The following KDM4B variants were observed in gnomAD, a reference collection of about 807,000 sequenced individuals.
The protein encoded by KDM4B is lysine demethylase 4B.
KDM4B carries 32 observed loss-of-function variants against 125.2 expected under a neutral mutation model. That is an observed-to-expected ratio of 0.26 (90% CI 0.19 to 0.34). The LOEUF is 0.34. KDM4B is among the 10% of genes least tolerant of loss of function. The pLI is 1.00. For missense variants in KDM4B, 1,190 were observed against 1,577.7 expected, an observed-to-expected ratio of 0.75 and a Z score of 4.16; for synonymous variants, 721 against 677.9, an observed-to-expected ratio of 1.06 and a Z score of -0.99.
intron 11 of KDM4B, among the ~76,000 whole-genome samples, chr19:5,127,591 G>T (rs2039471044): frequency 6.6e-6 from 1 of 152,178 alleles, no homozygotes; most frequent in Non-Finnish European, 1.5e-5. Context: ...TCATCAGCCG[G>T]GCACCTGAGG....
chr19:5,008,388 G>A (rs6510833), intron 1 of KDM4B, among the ~76,000 whole-genome samples: 23,861 of 152,076 alleles, frequency 0.16, 2,231 homozygotes, highest in Non-Finnish European at 0.22. Context: ...ACTTATGCCA[G>A]TACCATGCTG....
At chr19:5,001,670 A>G (rs894174558) in intron 1 of KDM4B, among the ~76,000 whole-genome samples, 1 of 150,112 alleles carries the variant, frequency 6.7e-6, no homozygotes, top group Non-Finnish European at 1.5e-5. Flanking sequence ...CACCCATGTA[A>G]GTCCTGTTCC....
chr19:5,098,603 T>TC (rs1184042925), intron 9 of KDM4B, among the ~76,000 whole-genome samples: 2 of 152,100 alleles, frequency 1.3e-5, no homozygotes, highest in African/African-American at 4.8e-5. Flanking sequence ...AAGGTCTGTG[T>TC]CCCCTCAGAG....
At chr19:4,974,259 C>T (rs2034365186) in intron 1 of KDM4B, among the ~76,000 whole-genome samples, 1 of 151,202 alleles carries the variant, frequency 6.6e-6, no homozygotes, top group Admixed American at 6.6e-5. Context: ...ATTACCCGGG[C>T]ATGGTGGTGG....
chr19:5,071,039 G>A lies in KDM4B; in HGVS notation c.656G>A (p.Arg219His). Residue 219 changes from arginine to histidine, a missense_variant, in exon 7 of 23, where the codon CGC (arginine) becomes CAC (histidine). Coordinates refer to ENST00000159111, the MANE Select transcript of KDM4B (RefSeq NM_015015.3). ...WYAIPPEHGK[R>H]LERLAIGFFP... ...GCCATCCCACCAGAGCACGGCAAGC[G>A]CCTGGAGCGGCTGGCCATCGGTAGG... The A allele has an allele frequency of 1.2e-6, 2 of 1,613,376 alleles. No individual in the cohort carries two copies. The highest frequency in any genetic ancestry group is 1.7e-6 in the Non-Finnish European group (2 of 1,179,932).
At position 5,133,947 on chromosome 19, in the gene KDM4B, T is replaced by C; in HGVS notation, c.1971T>C (p.Ser657=). The C allele has an allele frequency of 6.2e-7, 1 of 1,613,140 alleles. No individual in the cohort carries two copies. The highest frequency in any genetic ancestry group is 8.5e-7 in the Non-Finnish European group (1 of 1,179,950). Reference sequence around the variant, plus strand: ...CGGACGCCTTGAGGCCGCTGCTGTCTCTGCAGTGGAAGAACAGGGCGGCCA... The same window carrying C: ...CGGACGCCTTGAGGCCGCTGCTGTCCCTGCAGTGGAAGAACAGGGCGGCCA... ...SDPDALRPLL[S]LQWKNRAASF... is the part of the protein sequence containing the mutation. Residue 657 remains serine, a synonymous_variant, in exon 14 of 23, where the codon TCT becomes TCC. Coordinates refer to ENST00000159111, the MANE Select transcript of KDM4B (RefSeq NM_015015.3).
chr19:5,039,877 T>G lies in KDM4B; in HGVS notation c.183T>G (p.Asp61Glu). ...PKEWKPRQTY[D>E]DIDDVVIPAP... Reference sequence around the variant, plus strand: ...AGTGGAAGCCGCGGCAGACGTATGATGACATCGACGACGTGGTGATCCCGG... The same window carrying G: ...AGTGGAAGCCGCGGCAGACGTATGAGGACATCGACGACGTGGTGATCCCGG... Residue 61 changes from aspartate (D) to glutamate (E), a missense_variant, in exon 4 of 23, where the codon GAT (aspartate) becomes GAG (glutamate). Physicochemically the swap from Asp to Glu is conservative, Grantham distance 45 (BLOSUM62 2). Transcript: ENST00000159111. The G allele has an allele frequency of 6.2e-7, 1 of 1,612,906 alleles. No homozygotes were observed. The highest frequency in any genetic ancestry group is 8.5e-7 in the Non-Finnish European group (1 of 1,179,874).
intron 9 of KDM4B, among the ~76,000 whole-genome samples, chr19:5,092,500 C>G (rs1419323805): frequency 6.6e-6 from 1 of 152,220 alleles, no homozygotes; most frequent in Non-Finnish European, 1.5e-5. Context: ...CCGGGGGGGA[C>G]ACATCTCCCC....
intron 20 of KDM4B, 113 bp from the exon 21 acceptor site, chr19:5,144,670 T>G: frequency 6.8e-7 from 1 of 1,469,688 alleles, no homozygotes; most frequent in Non-Finnish European, 9.2e-7. Flanking sequence ...GCAGCCAGCT[T>G]TGGGGCTTCA....
rs951926506 is a variant in KDM4B, at chr19:4,969,149, C to T, written c.-190C>T. On this transcript the variant is annotated 5_prime_UTR_variant, in exon 1 of 23. Transcript: ENST00000159111. The stretch of plus-strand genomic sequence containing the variant: ...GCCAGCAACCGAGCGGGGCCCGGCC[C>T]GAGCGGGGCCTGGGGGTGCGACGCC... 2.0e-5 allele frequency: 3 copies of T among 150,914 alleles called. No individual in the cohort carries two copies. The highest frequency in any genetic ancestry group is 6.6e-5 in the Admixed American group (1 of 15,156). The allele number at this position is 150,914 out of a possible 1,614,324, so 9.3% of individuals were successfully genotyped here.
In KDM4B at chr19:5,110,643, G is replaced by T; in HGVS notation, c.940G>T (p.Val314Phe). 1 of 1,613,014 alleles carries T rather than the reference G, an allele frequency of 6.2e-7. No homozygotes were observed. Among genetic ancestry groups the T allele is most frequent in the Non-Finnish European group, 8.5e-7 (1 of 1,179,890 alleles). The change falls in exon 10 of 23, where the codon GTC (valine) becomes TTC (phenylalanine). Residue 314 changes from valine (V) to phenylalanine (F), a missense_variant. Coordinates refer to ENST00000159111, the MANE Select transcript of KDM4B (RefSeq NM_015015.3). ...ATQCTCRKDM[V>F]KISMDVFVRI... is the part of the protein sequence containing the mutation. ...GCAGTGCACGTGCCGGAAGGACATG[G>T]TCAAGATCTCCATGGACGTGTTCGT...
rs2036760897 is a variant in KDM4B at position 5,040,153 on chromosome 19, G to A, written c.317+142G>A. The A allele has an allele frequency of 5.4e-6, 5 of 932,910 alleles. No homozygotes were observed. The African/African-American group carries it at 6.7e-5, about 12-fold the overall frequency. The allele number at this position is 932,910 out of a possible 1,614,324, so 57.8% of individuals were successfully genotyped here. A position where few individuals can be genotyped will look rare whatever the true frequency, so the allele number is the denominator to read the frequency against. On this transcript the variant is annotated intron_variant, in intron 4 of 22. Coordinates refer to ENST00000159111, the MANE Select transcript of KDM4B (RefSeq NM_015015.3). ...CTCTGTGTGCCCCGTGTGGGCTGTGGCGACCCCTGCTCCCAGGGTGGATCT... is the reference window on the plus strand; with the variant it reads ...CTCTGTGTGCCCCGTGTGGGCTGTGACGACCCCTGCTCCCAGGGTGGATCT...
intron 1 of KDM4B, among the ~76,000 whole-genome samples, chr19:4,995,419 C>T (rs2145402077): frequency 6.6e-6 from 1 of 152,166 alleles, no homozygotes; most frequent in South Asian, 2.1e-4. Context: ...GCTGGGATTA[C>T]AGGCACCCGC....
chr19:5,128,246 G>A (rs956744107), intron 11 of KDM4B, among the ~76,000 whole-genome samples: 4 of 152,150 alleles, frequency 2.6e-5, no homozygotes, highest in African/African-American at 7.2e-5. Flanking sequence ...TTTCCTCCTC[G>A]CCTCCTTCCC....
chr19:4,992,069 A>G (rs893207450), intron 1 of KDM4B, among the ~76,000 whole-genome samples: 6 of 152,096 alleles, frequency 3.9e-5, no homozygotes, highest in Non-Finnish European at 5.9e-5. Context: ...ACAAGATCCA[A>G]GGTTGCCAGG....
intron 1 of KDM4B, among the ~76,000 whole-genome samples, chr19:4,970,424 G>GT (rs2034214603): frequency 6.6e-6 from 1 of 151,996 alleles, no homozygotes; most frequent in African/African-American, 2.4e-5. Flanking sequence ...GCTGGGGCGT[G>GT]TATTCAGCAA....
chr19:5,111,806 C>G (rs2039152984), intron 10 of KDM4B: 1 of 765,124 alleles, frequency 1.3e-6, no homozygotes, highest in African/African-American at 1.7e-5. Flanking sequence ...CGTCTCGACT[C>G]CGCATGGCAA....
At chr19:5,008,787 GA>G (rs1327647174) in intron 1 of KDM4B, among the ~76,000 whole-genome samples, 3 of 149,396 alleles carry the variant, frequency 2.0e-5, no homozygotes, top group African/African-American at 7.4e-5. Flanking sequence ...ATTTTTAGTA[GA>G]GACAGGTTTT....
chr19:5,038,706 C>A (rs759322285), intron 3 of KDM4B, among the ~76,000 whole-genome samples: 2 of 152,224 alleles, frequency 1.3e-5, no homozygotes, highest in African/African-American at 4.8e-5. Flanking sequence ...TTGTGGATCG[C>A]TGTGTGCCTC....
Sources: gnomAD v4.1 joint callset for allele counts (sites outside exome capture counted in the v4.1 genomes callset) on GRCh38, gnomAD v4.1.1 for gene constraint, MANE v1.5 for transcripts, NCBI Gene and HGNC (gene_info 2026-07-23, HGNC 2026-07-21) for gene names.